The following MYCL variants were observed in gnomAD, a reference collection of about 807,000 sequenced individuals.
The protein encoded by MYCL is protein L-Myc.
MYCL carries 11 observed loss-of-function variants against 31.0 expected under a neutral mutation model. The ratio of observed to expected loss-of-function variants is 0.35; its 90% CI spans 0.22 to 0.59. The LOEUF (loss-of-function observed/expected upper bound fraction) is 0.59, where lower values mean the gene tolerates loss of function less well. MYCL is among the 20% of genes least tolerant of loss of function. The probability of loss-of-function intolerance (pLI) is 0.79; values close to 1 mark genes in which losing one functional copy is unlikely to be tolerated. For missense variants in MYCL, 427 were observed against 486.1 expected, an observed-to-expected ratio of 0.88 and a Z score of 1.14; for synonymous variants, 208 against 202.4, an observed-to-expected ratio of 1.03 and a Z score of -0.23.
At chr1:39,900,014 T>C (rs530817745) in intron 1 of MYCL, 1 of 985,408 alleles carries the variant, frequency 1.0e-6, no homozygotes, top group South Asian at 4.7e-5. Flanking sequence ...CTCAGCGAGG[T>C]TGCACTTGCA....
rs61751008 is a variant in MYCL at position 39,901,096 on chromosome 1, G to C, written c.339C>G (p.Leu113=). ...ERLERAVSDR[L]APGAPRGNPP... is the part of the protein sequence containing the mutation. ...GGTTCCCCCGGGGCGCGCCAGGAGC[G>C]AGCCGGTCGCTCACAGCTCTCTCCA... Residue 113 remains leucine, a synonymous_variant, in exon 1 of 2, where the codon CTC becomes CTG. Transcript: ENST00000372816. This position sits in a 1 kb window ranked among gnomAD's most constrained non-coding sequence, Gnocchi z 6.9. 2.5e-6 allele frequency: 4 copies of C among 1,583,952 alleles called. No individual in the cohort carries two copies. Among genetic ancestry groups the C allele is most frequent in the Admixed American group, 3.6e-5 (2 of 55,028 alleles).
At position 39,901,395 on chromosome 1, in the gene MYCL, C is replaced by T; in HGVS notation, c.40G>A (p.Asp14Asn). 2 of 1,613,164 alleles carry T rather than the reference C, an allele frequency of 1.2e-6. No homozygotes were observed. The highest frequency in any genetic ancestry group is 1.7e-6 in the Non-Finnish European group (2 of 1,179,806). ...GAGCGGTAGAAATCCTCCCCGCAGT[C>T]ATAGTCGTAGAAATAGTGCTGGTAC... ...DSYQHYFYDY[D>N]CGEDFYRSTA... Residue 14 changes from aspartate to asparagine, a missense_variant, in exon 1 of 2, where the codon GAC (aspartate) becomes AAC (asparagine). Asp to Asn is a conservative substitution (Grantham distance 23). Transcript: ENST00000372816. The surrounding 1 kb of genome is among the most constrained non-coding windows in gnomAD (Gnocchi z 6.9).
rs1412060740 is a variant in MYCL at position 39,901,746 on chromosome 1, C to G, written c.-312G>C. 6 of 1,211,982 alleles carry G rather than the reference C, an allele frequency of 5.0e-6. No individual in the cohort carries two copies. The highest frequency in any genetic ancestry group is 6.1e-6 in the Non-Finnish European group (6 of 977,336). The allele number at this position is 1,211,982 out of a possible 1,614,324, so 75.1% of individuals were successfully genotyped here. On this transcript the variant is annotated 5_prime_UTR_variant, in exon 1 of 2. Transcript: ENST00000372816. The surrounding 1 kb of genome is among the most constrained non-coding windows in gnomAD (Gnocchi z 6.9). ...GCGGGGGCGCGCCGTGCCCAGAAGG[C>G]AGCCTGCAGCCAGCCCGCACCGCGG...
Position 39,901,544 on chromosome 1 carries a change from C to T in MYCL, c.-110G>A, listed in dbSNP as rs1644540621. The T allele has an allele frequency of 6.7e-6, 10 of 1,486,462 alleles. No homozygotes were observed. Among genetic ancestry groups the T allele is most frequent in the Non-Finnish European group, 8.9e-6 (10 of 1,129,800 alleles). The allele number at this position is 1,486,462 out of a possible 1,614,324, so 92.1% of individuals were successfully genotyped here. A position where few individuals can be genotyped will look rare whatever the true frequency, so the allele number is the denominator to read the frequency against. On this transcript the variant is annotated 5_prime_UTR_variant, in exon 1 of 2. Transcript: ENST00000372816. The surrounding 1 kb of genome is among the most constrained non-coding windows in gnomAD (Gnocchi z 6.9). ...GTCGGCTGCCGGGCTCTCGTTCCTC[C>T]CCAACCCCACCAGCTTGCAGCCTGC...
rs990361068 is a variant in MYCL at position 39,900,983 on chromosome 1, G to T, written c.452C>A (p.Pro151His). 60 of 1,487,716 alleles carry T rather than the reference G, an allele frequency of 4.0e-5. No homozygotes were observed. The highest frequency in any genetic ancestry group is 4.4e-5 in the Non-Finnish European group (49 of 1,119,856). The allele number at this position is 1,487,716 out of a possible 1,614,324, so 92.2% of individuals were successfully genotyped here. ...APAAPCPLGE[P>H]KTQACSGSES... is the part of the protein sequence containing the mutation. ...GGACCCGGAGCAGGCCTGGGTCTTG[G>T]GTTCGCCCAGCGGACAGGGGGCGGC... Residue 151 changes from proline to histidine, a missense_variant, in exon 1 of 2, where the codon CCC becomes CAC. Transcript: ENST00000372816.
intron 1 of MYCL, 133 bp downstream of exon 1, chr1:39,900,806 G>A (rs796207886): frequency 3.4e-6 from 5 of 1,466,390 alleles, no homozygotes; most frequent in Non-Finnish European, 4.5e-6. Context: ...GGGACTACAC[G>A]GGCAGCTTCA....
chr1:39,900,793 T>C (rs1229980523), intron 1 of MYCL, 146 bp downstream of exon 1: 7 of 1,452,548 alleles, frequency 4.8e-6, no homozygotes, highest in Non-Finnish European at 5.4e-6. Context: ...ACAGACACGG[T>C]TGGGGACTAC....
At chr1:39,899,607 A>G in intron 1 of MYCL, 1 of 984,390 alleles carries the variant, frequency 1.0e-6, no homozygotes, top group African/African-American at 1.7e-5. Flanking sequence ...CCACTCCACC[A>G]GCCGTTGTAG....
chr1:39,901,732 C>G lies in MYCL; in HGVS notation c.-298G>C. 1 of 1,215,202 alleles carries G rather than the reference C, an allele frequency of 8.2e-7. No homozygotes were observed. Among genetic ancestry groups the G allele is most frequent in the Non-Finnish European group, 1.0e-6 (1 of 980,222 alleles). 75.3% of individuals were successfully genotyped at this position (1,215,202 alleles called of 1,614,324 possible). A position where few individuals can be genotyped will look rare whatever the true frequency, so the allele number is the denominator to read the frequency against. On this transcript the variant is annotated 5_prime_UTR_variant, in exon 1 of 2. Coordinates refer to ENST00000372816, the MANE Select transcript of MYCL (RefSeq NM_001033081.3). The surrounding 1 kb of genome is among the most constrained non-coding windows in gnomAD (Gnocchi z 6.9). ...CCCGGCGGGGCCGGGCGGGGGCGCG[C>G]CGTGCCCAGAAGGCAGCCTGCAGCC...
chr1:39,898,333 A>C (rs1644503142), intron 1 of MYCL, among the ~76,000 whole-genome samples: 1 of 152,228 alleles, frequency 6.6e-6, no homozygotes, highest in East Asian at 1.9e-4. Context: ...GTTTAGCTAT[A>C]AAGATCTTCC....
intron 1 of MYCL, chr1:39,899,870 C>G (rs1644518141): frequency 1.0e-6 from 1 of 985,252 alleles, no homozygotes; most frequent in South Asian, 4.7e-5. Context: ...CTTTCTTGGT[C>G]CTAATTTATT....
Position 39,901,298 on chromosome 1 carries a change from C to T in MYCL, c.137G>A (p.Gly46Asp), listed in dbSNP as rs369326949. Residue 46 changes from glycine (G) to aspartate (D), a missense_variant, in exon 1 of 2, where the codon GGC becomes GAC. Physicochemically the swap from Gly to Asp is moderately conservative, Grantham distance 94. Transcript: ENST00000372816. The surrounding 1 kb of genome is among the most constrained non-coding windows in gnomAD (Gnocchi z 6.9). ...VPSPPTSPPW[G>D]LGPGAGDPAP... ...CGGGTCCCCTGCGCCGGGACCCAAGCCCCAGGGCGGCGACGTGGGGGGCGA... is the reference window on the plus strand; with the variant it reads ...CGGGTCCCCTGCGCCGGGACCCAAGTCCCAGGGCGGCGACGTGGGGGGCGA... 59 of 1,602,144 alleles carry T rather than the reference C, an allele frequency of 3.7e-5. No individual in the cohort carries two copies. Among genetic ancestry groups the T allele is most frequent in the South Asian group, 2.3e-4 (21 of 89,516 alleles).
chr1:39,897,450 C>T lies in MYCL; in HGVS notation c.1017G>A (p.Arg339=), dbSNP rs1442843722. ...GGAGCTGTCTTTTCTCTGTAGCCAT[C>T]CTCTTCTCAGCCCCCACCAGGGCTT... The part of the protein sequence containing the change: ...YLQALVGAEK[R]MATEKRQLRC... The change falls in exon 2 of 2, where the codon AGG becomes AGA. Residue 339 remains arginine, a synonymous_variant. Transcript: ENST00000372816. The surrounding 1 kb of genome is among the most constrained non-coding windows in gnomAD (Gnocchi z 4.3). 2 of 1,613,940 alleles carry T rather than the reference C, an allele frequency of 1.2e-6. No homozygotes were observed. The highest frequency in any genetic ancestry group is 1.7e-6 in the Non-Finnish European group (2 of 1,179,914).
rs1644479412 is a variant in MYCL at position 39,895,961 on chromosome 1, T to A, written c.*1411A>T. ...AAACCCAGAGCCAGCAGGCACCTGCTGTCCTGGGCAGAGTTCTGGAGGGGC... is the reference window on the plus strand; with the variant it reads ...AAACCCAGAGCCAGCAGGCACCTGCAGTCCTGGGCAGAGTTCTGGAGGGGC... On this transcript the variant is annotated 3_prime_UTR_variant, in exon 2 of 2. Transcript: ENST00000372816. 4.5e-6 allele frequency: 1 copy of A among 221,652 alleles called. No individual in the cohort carries two copies. 13.7% of individuals were successfully genotyped at this position (221,652 alleles called of 1,614,324 possible).
rs201943505 is a variant in MYCL at position 39,897,928 on chromosome 1, G to C, written c.539C>G (p.Ser180Cys). Residue 180 changes from serine (S) to cysteine (C), a missense_variant, in exon 2 of 2, where the codon TCT becomes TGT. Physicochemically the swap from Ser to Cys is moderately radical, Grantham distance 112 (BLOSUM62 -1). Transcript: ENST00000372816. The surrounding 1 kb of genome is among the most constrained non-coding windows in gnomAD (Gnocchi z 4.3). ...GGTGACCGGCTTCCGAATACCCAGA[G>C]ACTGCCTCTTCTCTACTGTCACAAC... ...IDVVTVEKRQ[S>C]LGIRKPVTIT... 1 of 1,614,122 alleles carries C rather than the reference G, an allele frequency of 6.2e-7. No individual in the cohort carries two copies.
Position 39,901,674 on chromosome 1 carries a change from T to G in MYCL, c.-240A>C. ...GTGGGCAGCGAGTTCAAAGCAAACT[T>G]TGCCAGCGCCGCCCGGAGCGCAGCT... On this transcript the variant is annotated 5_prime_UTR_variant, in exon 1 of 2. Coordinates refer to ENST00000372816, the MANE Select transcript of MYCL (RefSeq NM_001033081.3). This position sits in a 1 kb window ranked among gnomAD's most constrained non-coding sequence, Gnocchi z 6.9. 7.8e-7 allele frequency: 1 copy of G among 1,278,594 alleles called. No homozygotes were observed. The highest frequency in any genetic ancestry group is 2.6e-5 in the South Asian group (1 of 38,636). 79.2% of individuals were successfully genotyped at this position (1,278,594 alleles called of 1,614,324 possible). A position where few individuals can be genotyped will look rare whatever the true frequency, so the allele number is the denominator to read the frequency against.
At chr1:39,898,663 C>T (rs1027195826) in intron 1 of MYCL, 6 of 985,358 alleles carry the variant, frequency 6.1e-6, no homozygotes, top group Admixed American at 6.1e-5. Context: ...CTTCCCTGGA[C>T]TAGAAGGTTA....
At chr1:39,898,149 G>C (rs556583203) in intron 1 of MYCL, 179 bp from the exon 2 acceptor site, 1 of 853,906 alleles carries the variant, frequency 1.2e-6, no homozygotes, top group African/African-American at 1.7e-5. Context: ...TAAGGGCACA[G>C]TGAAGGAAAG....
Position 39,897,846 on chromosome 1 carries a change from G to T in MYCL, c.621C>A (p.Ile207=). 6.2e-7 allele frequency: 1 copy of T among 1,614,222 alleles called. No homozygotes were observed. The highest frequency in any genetic ancestry group is 1.3e-5 in the African/African-American group (1 of 75,060). Residue 207 remains isoleucine (I), a synonymous_variant, in exon 2 of 2, where the codon ATC becomes ATA. Coordinates refer to ENST00000372816, the MANE Select transcript of MYCL (RefSeq NM_001033081.3). This position sits in a 1 kb window ranked among gnomAD's most constrained non-coding sequence, Gnocchi z 4.3. ...DPCMKHFHIS[I]HQQQHNYAAR... is the part of the protein sequence containing the mutation. Reference sequence around the variant, plus strand: ...CAGCATAGTTGTGCTGTTGCTGATGGATGGAGATGTGGAAATGCTTCATGC... The same window carrying T: ...CAGCATAGTTGTGCTGTTGCTGATGTATGGAGATGTGGAAATGCTTCATGC...
Sources: gnomAD v4.1 joint callset for allele counts (sites outside exome capture counted in the v4.1 genomes callset) on GRCh38, gnomAD v4.1.1 for gene constraint, Gnocchi (gnomAD v3.1) non-coding constraint, MANE v1.5 for transcripts, NCBI Gene and HGNC (gene_info 2026-07-23, HGNC 2026-07-21) for gene names.